ATG10: variants seen among roughly 807,000 people sequenced by gnomAD.
The protein encoded by ATG10 is autophagy related 10, also known as ubiquitin-like-conjugating enzyme ATG10.
ATG10 carries 30 observed loss-of-function variants against 32.1 expected under a neutral mutation model. The ratio of observed to expected loss-of-function variants is 0.94; its 90% confidence interval spans 0.70 to 1.27. The LOEUF (loss-of-function observed/expected upper bound fraction) is 1.27. Ranked by LOEUF, ATG10 falls within the 50% of genes most tolerant of loss-of-function variation. The pLI is 0.00. For missense variants in ATG10, 233 were observed against 262.3 expected (o/e 0.89, Z 0.77); for synonymous variants, 87 against 91.5 (o/e 0.95, Z 0.28).
intron 5 of ATG10, among the ~76,000 whole-genome samples, chr5:82,188,864 C>T (rs1265353186): frequency 6.6e-6 from 1 of 152,002 alleles, no homozygotes; most frequent in Non-Finnish European, 1.5e-5. Flanking sequence ...GCAGTTATTG[C>T]ACATTATTTT....
chr5:82,010,024 G>T lies in ATG10; in HGVS notation c.108+22346G>T, dbSNP rs571064233. The T allele has an allele frequency of 6.8e-6, 11 of 1,609,612 alleles. No homozygotes were observed. The African/African-American group carries it at 1.1e-4, about 16-fold the overall frequency. ...GTCTTTGGGACCTTGTCAGCTAACA[G>T]CTCAAAGGAGACGCGGCCCAAGGGC... On this transcript the variant is annotated intron_variant, in intron 2 of 7. Transcript: ENST00000282185.
At chr5:82,231,734 A>G (rs1215070959) in intron 5 of ATG10, among the ~76,000 whole-genome samples, 1 of 152,186 alleles carries the variant, frequency 6.6e-6, no homozygotes. Context: ...AGAAAAACTA[A>G]TTTTAGCTTA....
At chr5:82,253,200 A>G (rs1747331540) in intron 6 of ATG10, 114 bp from the exon 7 acceptor site, 2 of 723,074 alleles carry the variant, frequency 2.8e-6, no homozygotes, top group Non-Finnish European at 4.9e-6. Flanking sequence ...GTAGGTACAA[A>G]TCTTTGAAGA....
chr5:82,118,458 T>A (rs1765916575), intron 3 of ATG10, among the ~76,000 whole-genome samples: 1 of 141,740 alleles, frequency 7.1e-6, no homozygotes, highest in Non-Finnish European at 1.5e-5. Context: ...ATTAATGTTC[T>A]CAACTAATAG....
At chr5:82,014,360 C>G (rs900215285) in intron 2 of ATG10, among the ~76,000 whole-genome samples, 5 of 152,148 alleles carry the variant, frequency 3.3e-5, no homozygotes, top group African/African-American at 9.7e-5. Context: ...TGGTGCAGAG[C>G]TGAGTTCAAT....
chr5:81,993,787 T>G (rs1238835410), intron 2 of ATG10, among the ~76,000 whole-genome samples: 1 of 152,094 alleles, frequency 6.6e-6, no homozygotes, highest in East Asian at 1.9e-4. Context: ...GTTTGAAAAT[T>G]TCAGTGTCTT....
At chr5:82,165,763 C>G (rs557435330) in intron 4 of ATG10, among the ~76,000 whole-genome samples, 4 of 152,124 alleles carry the variant, frequency 2.6e-5, no homozygotes, top group Non-Finnish European at 4.4e-5. Flanking sequence ...TGTCAGTGAG[C>G]TGTGCTATAC....
chr5:82,045,561 T>A (rs534257443), intron 2 of ATG10, among the ~76,000 whole-genome samples: 9 of 152,246 alleles, frequency 5.9e-5, no homozygotes, highest in Admixed American at 3.3e-4. Flanking sequence ...CAACAGCTTT[T>A]CTCCTTTTTC....
intron 3 of ATG10, among the ~76,000 whole-genome samples, chr5:82,089,839 C>A (rs545250545): frequency 6.6e-6 from 1 of 151,752 alleles, no homozygotes; most frequent in Non-Finnish European, 1.5e-5. Context: ...TAGTTACAAA[C>A]CACATATCCA....
intron 5 of ATG10, among the ~76,000 whole-genome samples, chr5:82,198,636 CA>C (rs1269839372): frequency 6.6e-6 from 1 of 152,218 alleles, no homozygotes; most frequent in East Asian, 1.9e-4. Flanking sequence ...AGAGATTTTA[CA>C]ACCTGAATCT....
Position 82,000,065 on chromosome 5 carries a change from C to T in ATG10, c.108+12387C>T, listed in dbSNP as rs1761804811. ...TGATGAACATTGATGTAAAAATCCT[C>T]AACAAAATACTGGCAAACCACATCC... On this transcript the variant is annotated intron_variant, in intron 2 of 7. Coordinates refer to ENST00000282185, the MANE Select transcript of ATG10 (RefSeq NM_031482.5). Among the ~76,000 whole-genome samples the T allele has an allele frequency of 2.6e-5, 4 of 152,186 alleles. No individual in the cohort carries two copies. In the South Asian group the frequency reaches 8.3e-4, roughly 32 times the overall value.
intron 4 of ATG10, among the ~76,000 whole-genome samples, chr5:82,168,270 A>G (rs1433479670): frequency 6.6e-6 from 1 of 152,234 alleles, no homozygotes; most frequent in African/African-American, 2.4e-5. Context: ...AGGCACATAC[A>G]TAATGGCCTT....
At chr5:82,159,695 C>G (rs1023821656) in intron 3 of ATG10, among the ~76,000 whole-genome samples, 2 of 151,986 alleles carry the variant, frequency 1.3e-5, no homozygotes, top group African/African-American at 4.8e-5. Context: ...TCCACTTACC[C>G]CTCTCCTGTA....
intron 3 of ATG10, among the ~76,000 whole-genome samples, chr5:82,088,965 A>G (rs186537926): frequency 2.8e-4 from 42 of 152,348 alleles, no homozygotes; most frequent in African/African-American, 9.6e-4. Flanking sequence ...CAAAGGAACC[A>G]GAATATTTAG....
chr5:81,993,335 C>CTTT (rs376894813), intron 2 of ATG10, among the ~76,000 whole-genome samples: 3,836 of 67,852 alleles, frequency 0.057, 80 homozygotes, highest in East Asian at 0.17. Context: ...TTCCTTCCTT[C>CTTT]CTTCTTTCTT....
At chr5:81,975,888 A>G (rs1385201727) in intron 1 of ATG10, among the ~76,000 whole-genome samples, 3 of 152,052 alleles carry the variant, frequency 2.0e-5, no homozygotes, top group Admixed American at 6.5e-5. Context: ...CATACAAAAT[A>G]AAGAGAATCA....
rs1385251356 is a variant in ATG10 at position 82,079,264 on chromosome 5, G to A, written c.216+20662G>A. ...GTTTAATGCACTTACAATTCCACAT[G>A]GCTAGGGAGGCCTCACAATCATGGC... On this transcript the variant is annotated intron_variant, in intron 3 of 7. Transcript: ENST00000282185. Among the ~76,000 whole-genome samples the A allele has an allele frequency of 2.6e-5, 4 of 152,166 alleles. No individual in the cohort carries two copies. In the East Asian group the frequency reaches 7.7e-4, roughly 29 times the overall value.
At chr5:82,245,299 T>C (rs1239977941) in intron 5 of ATG10, among the ~76,000 whole-genome samples, 2 of 152,246 alleles carry the variant, frequency 1.3e-5, no homozygotes, top group African/African-American at 2.4e-5. Context: ...TCTTTCTTGA[T>C]AGCATAAGCC....
Position 82,168,080 on chromosome 5 carries a change from C to CT in ATG10, c.355+3550dup, listed in dbSNP as rs1168222419. On this transcript the variant is annotated intron_variant, in intron 4 of 7. Transcript: ENST00000282185. ...TTCAAGTGCATGCTGTTTTTTTTTT[C>CT]TTTTTTTCCCACTGTTTTTGAAGCA... 2.1e-3 allele frequency among the ~76,000 whole-genome samples: 322 copies of CT among 150,156 alleles called. 1 individual carries two copies. The highest frequency in any genetic ancestry group is 2.0e-3 in the Non-Finnish European group (134 of 67,434).
Sources: gnomAD v4.1 joint callset for allele counts (sites outside exome capture counted in the v4.1 genomes callset) on GRCh38, gnomAD v4.1.1 for gene constraint, MANE v1.5 for transcripts, NCBI Gene and HGNC (gene_info 2026-07-23, HGNC 2026-07-21) for gene names.